Variants in ABCA8 observed in about 807,000 individuals in gnomAD.
ABCA8 encodes the protein ATP binding cassette subfamily A member 8.
In ABCA8, 177 loss-of-function variants were observed where a neutral mutation model predicts 192.3. That is an observed-to-expected ratio of 0.92 (90% confidence interval 0.81 to 1.04). The LOEUF is 1.04. Among genes scored for constraint, ABCA8 ranks in the 50% least tolerant of loss-of-function variants. The pLI is 0.00. For synonymous variants in ABCA8, 642 were observed against 690.2 expected (o/e 0.93, Z 1.09); for missense variants, 1,915 against 1,904.8 (o/e 1.01, Z -0.10).
chr17:68,955,111 G>A (rs1274743709), intron 1 of ABCA8, 108 bp downstream of exon 1: 1 of 151,994 alleles, frequency 6.6e-6, no homozygotes, highest in Non-Finnish European at 1.5e-5. Flanking sequence ...GTTTATAAAG[G>A]TTTATTTATA....
intron 32 of ABCA8, 100 bp downstream of exon 32, chr17:68,881,020 G>T: frequency 1.2e-6 from 1 of 812,824 alleles, no homozygotes; most frequent in Non-Finnish European, 2.1e-6. Flanking sequence ...AATCACTTCA[G>T]TTATATAAGG....
rs1261845883 is a variant in ABCA8, at chr17:68,911,660, G to T, written c.2139-3781C>A. Among the ~76,000 whole-genome samples the T allele has an allele frequency of 6.6e-6, 1 of 151,738 alleles. No homozygotes were observed. Among genetic ancestry groups the T allele is most frequent in the Non-Finnish European group, 1.5e-5 (1 of 67,966 alleles). On this transcript the variant is annotated intron_variant, in intron 17 of 39. Coordinates refer to ENST00000586539, the MANE Select transcript of ABCA8 (RefSeq NM_001288985.2). The surrounding 1 kb of genome is among the most constrained non-coding windows in gnomAD (Gnocchi z 5.7). Reference sequence around the variant, plus strand: ...CCAGTGCTGTATTGGCTTTAGATCTGACCCAGCATAATCCTAGTGGTGGTG... The same window carrying T: ...CCAGTGCTGTATTGGCTTTAGATCTTACCCAGCATAATCCTAGTGGTGGTG...
intron 2 of ABCA8, among the ~76,000 whole-genome samples, chr17:68,948,419 C>T (rs189005949): frequency 0.015 from 2,277 of 152,252 alleles, 64 homozygotes; most frequent in African/African-American, 0.05. Flanking sequence ...TGTTTCCTGA[C>T]TTTTTAATAA....
At position 68,919,553 on chromosome 17, in the gene ABCA8, G is replaced by A. The variant is rs142614793; in HGVS notation, c.1613-77C>T. 2.8e-4 allele frequency: 359 copies of A among 1,273,044 alleles called. No homozygotes were observed. The African/African-American group carries it at 4.5e-3, about 16-fold the overall frequency. The allele number at this position is 1,273,044 out of a possible 1,614,324, so 78.9% of individuals were successfully genotyped here. A position where few individuals can be genotyped will look rare whatever the true frequency, so the allele number is the denominator to read the frequency against. Reference sequence around the variant, plus strand: ...TAAAATCGCTGTTAATTAAATGTACGTATGACTTTATCTTGACAGTTTATA... The same window carrying A: ...TAAAATCGCTGTTAATTAAATGTACATATGACTTTATCTTGACAGTTTATA... On this transcript the variant is annotated intron_variant, in intron 13 of 39. Transcript: ENST00000586539.
chr17:68,899,002 A>G (rs1246716889), intron 21 of ABCA8, among the ~76,000 whole-genome samples: 1 of 152,158 alleles, frequency 6.6e-6, no homozygotes, highest in East Asian at 1.9e-4. Flanking sequence ...TTGTTACATT[A>G]ATCTTAAATC....
At chr17:68,887,579 C>G in intron 24 of ABCA8, 73 bp from the exon 25 acceptor site, 2 of 1,199,578 alleles carry the variant, frequency 1.7e-6, no homozygotes, top group South Asian at 3.5e-5. Context: ...ACTATTCAAA[C>G]AAAACCTTTA....
At chr17:68,936,601 C>A (rs1216005527) in intron 5 of ABCA8, among the ~76,000 whole-genome samples, 1 of 151,896 alleles carries the variant, frequency 6.6e-6, no homozygotes, top group Non-Finnish European at 1.5e-5. Flanking sequence ...ATTTGAACAA[C>A]TGAGCTTATT....
chr17:68,928,909 C>G (rs983534155), intron 9 of ABCA8, 140 bp downstream of exon 9: 1 of 660,672 alleles, frequency 1.5e-6, no homozygotes, highest in African/African-American at 1.9e-5. Flanking sequence ...TTTAAAAGTT[C>G]TGTCTTTGCA....
In ABCA8 at chr17:68,925,026, GA is replaced by G. The variant is rs1306307939; in HGVS notation, c.1274-158del. Among the ~76,000 whole-genome samples, 6 of 150,408 alleles carry G rather than the reference GA, an allele frequency of 4.0e-5. No individual in the cohort carries two copies. The South Asian group carries it at 8.4e-4, about 21-fold the overall frequency. On this transcript the variant is annotated intron_variant, in intron 10 of 39. Transcript: ENST00000586539. Reference sequence around the variant, plus strand: ...GTTTTGACACATGTAGCTTCATAAGGAAAAAAAAATACCAGATGTCTCTACT... The same window carrying G: ...GTTTTGACACATGTAGCTTCATAAGGAAAAAAAATACCAGATGTCTCTACT...
At chr17:68,903,610 G>A (rs552760937) in intron 19 of ABCA8, 111 bp from the exon 20 acceptor site, 6 of 987,840 alleles carry the variant, frequency 6.1e-6, no homozygotes, top group East Asian at 5.1e-5. Context: ...TAGGTATAAC[G>A]TGGTTTTGCT....
At chr17:68,940,449 C>T (rs2068192792) in intron 4 of ABCA8, among the ~76,000 whole-genome samples, 1 of 152,132 alleles carries the variant, frequency 6.6e-6, no homozygotes, top group Non-Finnish European at 1.5e-5. Flanking sequence ...CTAAACACTA[C>T]TGCTCTAAAT....
intron 5 of ABCA8, among the ~76,000 whole-genome samples, chr17:68,934,861 A>G (rs2068011219): frequency 6.6e-6 from 1 of 152,162 alleles, no homozygotes; most frequent in Non-Finnish European, 1.5e-5. Flanking sequence ...ATGAACATGA[A>G]GTGATATAAC....
chr17:68,904,022 C>T (rs1353884182), intron 19 of ABCA8, among the ~76,000 whole-genome samples: 4 of 151,992 alleles, frequency 2.6e-5, no homozygotes, highest in East Asian at 1.9e-4. Context: ...TAATATCAAA[C>T]CTCAAAAAGC....
At chr17:68,940,252 A>C (rs1055869467) in intron 4 of ABCA8, among the ~76,000 whole-genome samples, 1 of 152,180 alleles carries the variant, frequency 6.6e-6, no homozygotes, top group Non-Finnish European at 1.5e-5. Flanking sequence ...GAAATACAGA[A>C]TACTCAAAGG....
intron 32 of ABCA8, chr17:68,878,581 C>T (rs2143268320): frequency 6.6e-6 from 1 of 152,348 alleles, no homozygotes; most frequent in East Asian, 1.9e-4. Flanking sequence ...TATTTTGTGA[C>T]ACCCAAATGG....
Position 68,882,000 on chromosome 17 carries a change from AT to A in ABCA8, c.3829-21del. ...TGGCTTCTGTAAATGACAAGAAGTT[AT>A]TATGTCAGACCTTAATTCTCTCCAT... On this transcript the variant is annotated intron_variant, in intron 30 of 39. Transcript: ENST00000586539. 1.9e-6 allele frequency: 3 copies of A among 1,589,730 alleles called. No homozygotes were observed. Among genetic ancestry groups the A allele is most frequent in the Non-Finnish European group, 2.6e-6 (3 of 1,158,178 alleles).
intron 27 of ABCA8, chr17:68,884,846 G>T (rs1567827122): frequency 7.1e-6 from 7 of 985,192 alleles, no homozygotes; most frequent in Non-Finnish European, 8.4e-6. Context: ...GCTTATCTTG[G>T]GTGCTTCTTT....
Position 68,932,301 on chromosome 17 carries a change from C to T in ABCA8, c.784G>A (p.Asp262Asn). 1 of 1,612,340 alleles carries T rather than the reference C, an allele frequency of 6.2e-7. No individual in the cohort carries two copies. Among genetic ancestry groups the T allele is most frequent in the Non-Finnish European group, 8.5e-7 (1 of 1,178,602 alleles). The change falls in exon 7 of 40, where the codon GAT (aspartate) becomes AAT (asparagine). Residue 262 changes from aspartate (D) to asparagine (N), a missense_variant. Transcript: ENST00000586539. ...KALMTMMGLR[D>N]SAFWLSWGLL... ...CGTTTGACTCACCAGAACGCTGAAT[C>T]CCGAAGACCCATCATTGTCATCAAG...
intron 10 of ABCA8, among the ~76,000 whole-genome samples, chr17:68,926,830 C>T (rs186635984): frequency 6.6e-6 from 1 of 152,336 alleles, no homozygotes; most frequent in African/African-American, 2.4e-5. Context: ...CCTGCTCACC[C>T]TTTCCCCTTC....
Sources: gnomAD v4.1 joint callset for allele counts (sites outside exome capture counted in the v4.1 genomes callset) on GRCh38, gnomAD v4.1.1 for gene constraint, Gnocchi (gnomAD v3.1) non-coding constraint, MANE v1.5 for transcripts, NCBI Gene and HGNC (gene_info 2026-07-23, HGNC 2026-07-21) for gene names.